The following ASMTL variants were observed in gnomAD, a reference collection of about 807,000 sequenced individuals.
ASMTL encodes probable bifunctional dTTP/UTP pyrophosphatase/methyltransferase protein.
In ASMTL, 57 loss-of-function variants were observed where a neutral mutation model predicts 60.3. That is an observed-to-expected ratio of 0.95 (90% confidence interval 0.76 to 1.18). The LOEUF (loss-of-function observed/expected upper bound fraction) is 1.18. ASMTL is among the 50% of genes most tolerant of loss of function. The probability of loss-of-function intolerance (pLI) is 0.00; values close to 1 mark genes in which losing one functional copy is unlikely to be tolerated. For synonymous variants in ASMTL, 419 were observed against 373.0 expected (o/e 1.12, Z -1.42); for missense variants, 981 against 852.6 (o/e 1.15, Z -1.88).
chrX:1,403,629 A>C (rs2089677947), intron 12 of ASMTL, 140 bp from the exon 13 acceptor site: 1 of 696,500 alleles, frequency 1.4e-6, no homozygotes, highest in East Asian at 2.6e-5. Context: ...GGGCCCACAC[A>C]GGTAGGGGAG....
At position 1,437,680 on chromosome X, in the gene ASMTL, A is replaced by G. The variant is rs187075740; in HGVS notation, c.273+1417T>C. 1.9e-4 allele frequency among the ~76,000 whole-genome samples: 28 copies of G among 150,534 alleles called. No homozygotes were observed. The East Asian group carries it at 5.2e-3, about 28-fold the overall frequency. Reference sequence around the variant, plus strand: ...TGGGATGCCGAGGCGGGTGGATCACAAGGTCAGGAGATCGAGACCATCCTG... The same window carrying G: ...TGGGATGCCGAGGCGGGTGGATCACGAGGTCAGGAGATCGAGACCATCCTG... On this transcript the variant is annotated intron_variant, in intron 3 of 12. Coordinates refer to ENST00000381317, the MANE Select transcript of ASMTL (RefSeq NM_004192.4).
intron 11 of ASMTL, among the ~76,000 whole-genome samples, chrX:1,414,276 G>A (rs1455384533): frequency 3.3e-5 from 5 of 152,132 alleles, no homozygotes; most frequent in South Asian, 4.1e-4. Flanking sequence ...TCAGACCTCC[G>A]GTCTGCAGGA....
chrX:1,411,215 AAG>A (rs1223419873), intron 12 of ASMTL, among the ~76,000 whole-genome samples: 2 of 81,482 alleles, frequency 2.5e-5, no homozygotes, highest in African/African-American at 4.6e-5. Flanking sequence ...TACACAGAGA[AAG>A]AGAGAAAGAA....
At chrX:1,429,249 C>T (rs1215434834) in intron 6 of ASMTL, among the ~76,000 whole-genome samples, 3 of 151,460 alleles carry the variant, frequency 2.0e-5, no homozygotes, top group Non-Finnish European at 4.4e-5. Context: ...GGGTCTCACT[C>T]GGTTGCTCAG....
At chrX:1,408,093 C>T (rs1384361803) in intron 12 of ASMTL, among the ~76,000 whole-genome samples, 13 of 150,706 alleles carry the variant, frequency 8.6e-5, no homozygotes, top group East Asian at 5.9e-4. Flanking sequence ...CCCAAATACT[C>T]GGGAGGCTGA....
In ASMTL at chrX:1,439,125, T is replaced by G. The variant is rs1239998286; in HGVS notation, c.245A>C (p.Asp82Ala). Residue 82 changes from aspartate (D) to alanine (A), a missense_variant, in exon 3 of 13, where the codon GAC becomes GCC. Transcript: ENST00000381317. Reference protein sequence around the residue: ...RLYQKDLRAPDVVIGADTIVT... With the variant: ...RLYQKDLRAPAVVIGADTIVT... ...GATCGTGTCCGCTCCAATGACCACG[T>G]CGGGGGCCCGCAGGTCTTTCTGTAA... The G allele has an allele frequency of 4.3e-6, 7 of 1,613,900 alleles. No individual in the cohort carries two copies. The highest frequency in any genetic ancestry group is 5.9e-6 in the Non-Finnish European group (7 of 1,179,878).
At position 1,423,175 on chromosome X, in the gene ASMTL, A is replaced by G. The variant is rs1174199238; in HGVS notation, c.1061-1333T>C. Among the ~76,000 whole-genome samples the G allele has an allele frequency of 3.9e-5, 6 of 152,038 alleles. No homozygotes were observed. In the East Asian group the frequency reaches 1.2e-3, roughly 29 times the overall value. On this transcript the variant is annotated intron_variant, in intron 8 of 12. Transcript: ENST00000381317. ...CACCGTGTTAGCCAGGATGGTCTTG[A>G]TCTCCTGAACTCGTGATCTGCCTGC...
intron 9 of ASMTL, among the ~76,000 whole-genome samples, chrX:1,419,869 G>T (rs1170557640): frequency 6.6e-6 from 1 of 152,186 alleles, no homozygotes; most frequent in Admixed American, 6.5e-5. Flanking sequence ...CCAGCTCAGG[G>T]CCCCTGTCCG....
chrX:1,418,935 G>A (rs746896950), intron 10 of ASMTL, 47 bp downstream of exon 10: 6 of 1,602,164 alleles, frequency 3.7e-6, no homozygotes, highest in Non-Finnish European at 5.1e-6. Flanking sequence ...GATACCTGTG[G>A]CTTAATAAAC....
At chrX:1,418,889 G>A in intron 10 of ASMTL, 93 bp downstream of exon 10, 3 of 1,517,742 alleles carry the variant, frequency 2.0e-6, no homozygotes, top group Non-Finnish European at 2.7e-6. Context: ...GTTTGTCAAT[G>A]GAAAAAGGCA....
chrX:1,420,259 CA>C (rs1437296742), intron 9 of ASMTL, among the ~76,000 whole-genome samples: 8 of 150,702 alleles, frequency 5.3e-5, no homozygotes, highest in Non-Finnish European at 1.0e-4. Flanking sequence ...GTGTCTGTCT[CA>C]CTCTATCTCT....
Position 1,452,892 on chromosome X carries a change from G to C in ASMTL, c.-52C>G. ...CGCACTTCTGAGCCCGGAGCCCGCG[G>C]TGCGCGCAGCGCGGCTGCAAAAAAA... On this transcript the variant is annotated 5_prime_UTR_variant, in exon 1 of 13. Transcript: ENST00000381317. The C allele has an allele frequency of 1.5e-6, 2 of 1,374,654 alleles. No individual in the cohort carries two copies. Among genetic ancestry groups the C allele is most frequent in the Admixed American group, 2.5e-5 (1 of 40,700 alleles). 85.2% of individuals were successfully genotyped at this position (1,374,654 alleles called of 1,614,324 possible).
chrX:1,423,856 C>G (rs1174814320), intron 8 of ASMTL, among the ~76,000 whole-genome samples: 1 of 151,032 alleles, frequency 6.6e-6, no homozygotes, highest in African/African-American at 2.4e-5. Context: ...ATTCACACGC[C>G]CACCCATCCA....
At chrX:1,437,142 G>A (rs2090987236) in intron 3 of ASMTL, among the ~76,000 whole-genome samples, 1 of 151,788 alleles carries the variant, frequency 6.6e-6, no homozygotes, top group Non-Finnish European at 1.5e-5. Context: ...ATAAACAACA[G>A]GCAGTGATTC....
At position 1,403,418 on chromosome X, in the gene ASMTL, A is replaced by C; in HGVS notation, c.1717T>G (p.Ser573Ala). ...TCAGTCTGCACCAGCATGTTCAGTG[A>C]CTGCATCAGGGCGCGCTGCGCCACC... is the stretch of plus-strand genomic sequence containing the variant. ...KRVAQRALMQSLNMLVQTEGK... is the reference protein window; with the variant it reads ...KRVAQRALMQALNMLVQTEGK... The change falls in exon 13 of 13, where the codon TCA becomes GCA. Residue 573 changes from serine to alanine, a missense_variant. Coordinates refer to ENST00000381317, the MANE Select transcript of ASMTL (RefSeq NM_004192.4). The C allele has an allele frequency of 1.9e-6, 3 of 1,613,370 alleles. No homozygotes were observed. Among genetic ancestry groups the C allele is most frequent in the Non-Finnish European group, 2.5e-6 (3 of 1,179,842 alleles).
chrX:1,427,727 C>T lies in ASMTL; in HGVS notation c.897+7G>A, dbSNP rs2090648010. 1.9e-6 allele frequency: 3 copies of T among 1,597,340 alleles called. No homozygotes were observed. Among genetic ancestry groups the T allele is most frequent in the East Asian group, 4.5e-5 (2 of 44,518 alleles). Reference sequence around the variant, plus strand: ...GAAATGTGGCCTGAGGAGACAGACACAGGTACCTTGGATAGCATAAAGCCC... The same window carrying T: ...GAAATGTGGCCTGAGGAGACAGACATAGGTACCTTGGATAGCATAAAGCCC... On this transcript the variant is annotated splice_region_variant and intron_variant, in intron 7 of 12. Transcript: ENST00000381317.
intron 1 of ASMTL, among the ~76,000 whole-genome samples, chrX:1,448,837 C>T: frequency 6.6e-6 from 1 of 151,924 alleles, no homozygotes; most frequent in East Asian, 1.9e-4. Flanking sequence ...CTTGGACATG[C>T]ATGGTCATCT....
At chrX:1,452,572 CG>C (rs2091424387) in intron 1 of ASMTL, among the ~76,000 whole-genome samples, 175 bp downstream of exon 1, 1 of 151,234 alleles carries the variant, frequency 6.6e-6, no homozygotes, top group African/African-American at 2.4e-5. Context: ...CTAGAGGTTC[CG>C]GGTCACTCTC....
chrX:1,421,759 CATT>C lies in ASMTL; in HGVS notation c.1141_1143del (p.Asn381del). 1.2e-6 allele frequency: 2 copies of C among 1,613,864 alleles called. No individual in the cohort carries two copies. Among genetic ancestry groups the C allele is most frequent in the Non-Finnish European group, 1.7e-6 (2 of 1,179,848 alleles). On this transcript the variant is annotated inframe_deletion, in exon 9 of 13. Coordinates refer to ENST00000381317, the MANE Select transcript of ASMTL (RefSeq NM_004192.4). Reference sequence around the variant, plus strand: ...TATGTAAAGAGGTTCCATGTGAGGTCATTATTGTGCATGATGAAGCCGTGCAGA... The same window carrying C: ...TATGTAAAGAGGTTCCATGTGAGGTCATTGTGCATGATGAAGCCGTGCAGA...
Sources: gnomAD v4.1 joint callset for allele counts (sites outside exome capture counted in the v4.1 genomes callset) on GRCh38, gnomAD v4.1.1 for gene constraint, MANE v1.5 for transcripts, NCBI Gene and HGNC (gene_info 2026-07-23, HGNC 2026-07-21) for gene names.